The following NXPE2 variants were observed in gnomAD, a reference collection of about 807,000 sequenced individuals.
NXPE2 encodes neurexophilin and PC-esterase domain family member 2, also known as NXPE family member 2.
In NXPE2, 34 loss-of-function variants were observed where a neutral mutation model predicts 34.4. The observed-to-expected ratio is 0.99, with a 90% CI of 0.75 to 1.31. The LOEUF is 1.31. NXPE2 is among the 40% of genes most tolerant of loss of function. The pLI is 0.00. For synonymous variants in NXPE2, 235 were observed against 231.3 expected, an observed-to-expected ratio of 1.02 and a Z score of -0.15; for missense variants, 649 against 672.5, an observed-to-expected ratio of 0.97 and a Z score of 0.39.
At chr11:114,758,843 A>G in the NXPE2 span, among the ~76,000 whole-genome samples, 313 of 148,598 alleles carry the variant, frequency 2.1e-3, no homozygotes, top group African/African-American at 7.5e-3. Flanking sequence ...TTTTCTATAT[A>G]CATAAATATA....
At chr11:114,708,071 T>C (rs1043749266), downstream of NXPE2, among the ~76,000 whole-genome samples, 3 of 152,194 alleles carry the variant, frequency 2.0e-5, no homozygotes, top group Non-Finnish European at 4.4e-5. Context: ...TCATCACCCA[T>C]AATTTGAAGA....
At chr11:114,692,247 C>G (rs370471146) in intron 2 of NXPE2, among the ~76,000 whole-genome samples, 18 of 152,220 alleles carry the variant, frequency 1.2e-4, no homozygotes, top group African/African-American at 3.6e-4. Flanking sequence ...TGGGGTCCCT[C>G]TCAGGCAAGT....
the NXPE2 span, chr11:114,559,797 C>T: frequency 6.6e-6 from 1 of 152,472 alleles, no homozygotes; most frequent in East Asian, 1.9e-4. Flanking sequence ...TGCTTACTCA[C>T]CTGTTTTAAT....
intron 3 of NXPE2, among the ~76,000 whole-genome samples, chr11:114,700,874 G>T (rs1246617754): frequency 6.6e-6 from 1 of 152,030 alleles, no homozygotes; most frequent in Non-Finnish European, 1.5e-5. Flanking sequence ...TTTGGGAGCT[G>T]CTGCCATAGA....
chr11:114,625,987 C>T, the NXPE2 span, among the ~76,000 whole-genome samples: 6 of 151,894 alleles, frequency 4.0e-5, no homozygotes, highest in Admixed American at 2.0e-4. Context: ...AAACGGCGCA[C>T]CAGGAGATTA....
chr11:114,603,041 A>T, the NXPE2 span, among the ~76,000 whole-genome samples: 1 of 151,600 alleles, frequency 6.6e-6, no homozygotes, highest in African/African-American at 2.4e-5. Flanking sequence ...ACGGAACCGT[A>T]TATAATAATT....
the NXPE2 span, among the ~76,000 whole-genome samples, chr11:114,630,304 G>A: frequency 6.6e-6 from 1 of 151,658 alleles, no homozygotes; most frequent in Non-Finnish European, 1.5e-5. Flanking sequence ...AAAACAGCAT[G>A]GTACTGGTAC....
chr11:114,606,937 C>T, the NXPE2 span, among the ~76,000 whole-genome samples: 5 of 151,864 alleles, frequency 3.3e-5, no homozygotes, highest in Non-Finnish European at 5.9e-5. Context: ...TCATGGGTAA[C>T]CACTGTTATC....
the NXPE2 span, among the ~76,000 whole-genome samples, chr11:114,616,068 G>T: frequency 6.6e-6 from 1 of 150,870 alleles, no homozygotes; most frequent in Admixed American, 6.6e-5. Context: ...TTGCCTCATG[G>T]GTAAACACTG....
chr11:114,767,829 C>T, the NXPE2 span, among the ~76,000 whole-genome samples: 5 of 152,156 alleles, frequency 3.3e-5, no homozygotes, highest in Non-Finnish European at 4.4e-5. Flanking sequence ...CAAAAGCACA[C>T]ATTCCACTGA....
At chr11:114,802,611 T>G in the NXPE2 span, among the ~76,000 whole-genome samples, 1 of 152,122 alleles carries the variant, frequency 6.6e-6, no homozygotes, top group African/African-American at 2.4e-5. Context: ...AGCTAGACAG[T>G]CTTTTATTTT....
intron 3 of NXPE2, 96 bp downstream of exon 3, chr11:114,698,874 A>G (rs1020010415): frequency 8.4e-7 from 1 of 1,188,620 alleles, no homozygotes; most frequent in Non-Finnish European, 1.1e-6. Flanking sequence ...TATCATGTCA[A>G]TTATGTTGAC....
At chr11:114,727,614 T>C in the NXPE2 span, among the ~76,000 whole-genome samples, 61 of 152,184 alleles carry the variant, frequency 4.0e-4, no homozygotes, top group Admixed American at 2.4e-3. Context: ...ATATTAAAAA[T>C]TGGCAATCCC....
intron 5 of NXPE2, 136 bp from the exon 6 acceptor site, chr11:114,706,259 T>A: frequency 1.5e-6 from 1 of 674,822 alleles, no homozygotes; most frequent in South Asian, 3.4e-5. Flanking sequence ...ATGCACCTGG[T>A]AAAATTATCC....
At chr11:114,520,460 G>A in the NXPE2 span, among the ~76,000 whole-genome samples, 4 of 152,136 alleles carry the variant, frequency 2.6e-5, no homozygotes, top group African/African-American at 9.7e-5. Flanking sequence ...CTTTTGTAAG[G>A]CTGAATGATA....
the NXPE2 span, among the ~76,000 whole-genome samples, chr11:114,764,393 T>C: frequency 3.3e-5 from 5 of 150,740 alleles, no homozygotes; most frequent in African/African-American, 4.9e-5. Flanking sequence ...TGAATTGACA[T>C]GATGTCTGTT....
chr11:114,598,596 T>C, the NXPE2 span, among the ~76,000 whole-genome samples: 4 of 152,280 alleles, frequency 2.6e-5, no homozygotes, highest in African/African-American at 9.6e-5. Context: ...GCAGGCTTAA[T>C]AGCCTGTGGA....
At chr11:114,611,027 T>C in the NXPE2 span, among the ~76,000 whole-genome samples, 15 of 151,726 alleles carry the variant, frequency 9.9e-5, no homozygotes. Flanking sequence ...GGGTCACAAC[T>C]CTTACTCTGT....
At chr11:114,768,341 G>A in the NXPE2 span, among the ~76,000 whole-genome samples, 1 of 152,162 alleles carries the variant, frequency 6.6e-6, no homozygotes, top group Non-Finnish European at 1.5e-5. Flanking sequence ...AAGTCAGGTA[G>A]CAAGATGCCT....
Sources: allele counts gnomAD v4.1 joint callset (sites outside exome capture counted in the v4.1 genomes callset), GRCh38; gene constraint gnomAD v4.1.1; transcripts MANE v1.5; gene names NCBI Gene and HGNC (gene_info 2026-07-23, HGNC 2026-07-21).